Variants in SLC7A9 observed in about 807,000 individuals in gnomAD.
The protein encoded by SLC7A9 is B(0,+)-type amino acid transporter 1.
Under a neutral mutation model 54.1 loss-of-function variants are expected in SLC7A9, and 38 were observed. That is an observed-to-expected ratio of 0.70 (90% CI 0.54 to 0.92). The LOEUF is 0.92. Ranked by LOEUF, SLC7A9 falls within the 40% of genes least tolerant of loss-of-function variation. The probability of loss-of-function intolerance (pLI) is 0.00; values close to 1 mark genes in which losing one functional copy is unlikely to be tolerated. For synonymous variants in SLC7A9, 264 were observed against 258.9 expected (o/e 1.02, Z -0.19); for missense variants, 537 against 636.1 (o/e 0.84, Z 1.68).
chr19:32,847,604 A>G (rs1258334989), intron 9 of SLC7A9, among the ~76,000 whole-genome samples: 1 of 152,226 alleles, frequency 6.6e-6, no homozygotes, highest in East Asian at 1.9e-4. Flanking sequence ...CAAGTTGGAA[A>G]ACACTCTGCA....
At chr19:32,844,304 C>T (rs903651377) in intron 9 of SLC7A9, among the ~76,000 whole-genome samples, 1 of 152,048 alleles carries the variant, frequency 6.6e-6, no homozygotes. Flanking sequence ...TTTAAATGTA[C>T]CATTTATTTG....
intron 6 of SLC7A9, 61 bp from the exon 7 acceptor site, chr19:32,860,711 C>T (rs1968775865): frequency 6.2e-7 from 1 of 1,603,546 alleles, no homozygotes; most frequent in Admixed American, 1.7e-5. Context: ...TAATGAAACC[C>T]ACAATAATAA....
chr19:32,842,512 C>G (rs1968156367), intron 10 of SLC7A9, among the ~76,000 whole-genome samples, 195 bp from the exon 11 acceptor site: 1 of 152,088 alleles, frequency 6.6e-6, no homozygotes, highest in South Asian at 2.1e-4. Context: ...CAGAAAAGAC[C>G]TGGGAAATTT....
intron 11 of SLC7A9, 132 bp downstream of exon 11, chr19:32,842,036 C>T: frequency 1.1e-6 from 1 of 899,260 alleles, no homozygotes; most frequent in Non-Finnish European, 1.8e-6. Flanking sequence ...GTAAACTCCA[C>T]TCTAAAATAC....
intron 2 of SLC7A9, among the ~76,000 whole-genome samples, chr19:32,866,928 C>G (rs1192813535): frequency 1.3e-5 from 2 of 152,338 alleles, no homozygotes; most frequent in Middle Eastern, 3.4e-3. Flanking sequence ...GAGCCTGAAG[C>G]CCTCCCTGCG....
At chr19:32,855,491 A>G (rs574206252) in intron 9 of SLC7A9, among the ~76,000 whole-genome samples, 2 of 152,296 alleles carry the variant, frequency 1.3e-5, no homozygotes, top group Admixed American at 6.5e-5. Flanking sequence ...CGAGGTCAGG[A>G]GATCAAGACC....
rs529064561 is a variant in SLC7A9, at chr19:32,864,389, G to A, written c.236-51C>T. On this transcript the variant is annotated intron_variant, in intron 3 of 12. Coordinates refer to ENST00000023064, the MANE Select transcript of SLC7A9 (RefSeq NM_014270.5). ...CAGGCCCCTTGTGAGGCACTGCCCC[G>A]GCCCCAGGGAGCCTTCCTCCCACCG... 6.9e-4 allele frequency: 1,107 copies of A among 1,610,164 alleles called. 15 individuals are homozygous for A. The South Asian group carries it at 0.011, about 16-fold the overall frequency.
intron 7 of SLC7A9, 80 bp downstream of exon 7, chr19:32,860,526 G>A (rs1361520542): frequency 6.2e-7 from 1 of 1,611,032 alleles, no homozygotes; most frequent in Non-Finnish European, 8.5e-7. Context: ...GGAATACCCA[G>A]GGAAATAGCT....
At chr19:32,837,062 G>C (rs911988791) in intron 11 of SLC7A9, among the ~76,000 whole-genome samples, 1 of 152,012 alleles carries the variant, frequency 6.6e-6, no homozygotes, top group African/African-American at 2.4e-5. Flanking sequence ...GATAAGTCTG[G>C]TCTCCATTCT....
Position 32,862,445 on chromosome 19 carries a change from C to T in SLC7A9, c.604+16G>A. 6.2e-7 allele frequency: 1 copy of T among 1,612,506 alleles called. No homozygotes were observed. The highest frequency in any genetic ancestry group is 1.3e-5 in the African/African-American group (1 of 74,986). On this transcript the variant is annotated intron_variant, in intron 5 of 12. Coordinates refer to ENST00000023064, the MANE Select transcript of SLC7A9 (RefSeq NM_014270.5). ...TTGGTGTGTGCCCGTGCAGGGCCCA[C>T]CCTCCCGTGGGTCACCTTGGGCCAG... is the stretch of plus-strand genomic sequence containing the variant.
chr19:32,867,711 G>A (rs1008041062), intron 2 of SLC7A9, among the ~76,000 whole-genome samples: 2 of 151,790 alleles, frequency 1.3e-5, no homozygotes, highest in African/African-American at 2.4e-5. Context: ...TTGGGAGGCC[G>A]AGGTGGGCGG....
intron 9 of SLC7A9, 61 bp downstream of exon 9, chr19:32,858,378 CG>C: frequency 3.5e-6 from 4 of 1,155,694 alleles, no homozygotes; most frequent in South Asian, 1.2e-5. Flanking sequence ...GTGTCTTCCT[CG>C]GGGGTGATAT....
intron 2 of SLC7A9, among the ~76,000 whole-genome samples, chr19:32,865,216 A>C (rs977773108): frequency 6.6e-6 from 1 of 152,198 alleles, no homozygotes; most frequent in African/African-American, 2.4e-5. Flanking sequence ...CAGAGGCTCC[A>C]TGCAGGGTGA....
rs146189404 is a variant in SLC7A9 at position 32,864,252 on chromosome 19, G to A, written c.322C>T (p.Pro108Ser). ...CTGGCCCAGGAGAAGAGGTAGGCGG[G>A]GATGGGCCCGTAGGCCTCCATCAGG... is the stretch of plus-strand genomic sequence containing the variant. ...PYLMEAYGPI[P>S]AYLFSWASLI... is the part of the protein sequence containing the mutation. The change falls in exon 4 of 13, where the codon CCC becomes TCC. Residue 108 changes from proline to serine, a missense_variant. Pro to Ser is a moderately conservative substitution (Grantham distance 74). Coordinates refer to ENST00000023064, the MANE Select transcript of SLC7A9 (RefSeq NM_014270.5). 3.1e-6 allele frequency: 5 copies of A among 1,614,200 alleles called. No homozygotes were observed. Among genetic ancestry groups the A allele is most frequent in the Non-Finnish European group, 4.2e-6 (5 of 1,180,026 alleles).
At chr19:32,839,058 C>G (rs1568513833) in intron 11 of SLC7A9, among the ~76,000 whole-genome samples, 1 of 152,128 alleles carries the variant, frequency 6.6e-6, no homozygotes, top group Non-Finnish European at 1.5e-5. Flanking sequence ...GCTTGTCTGG[C>G]ATACTTTCCT....
chr19:32,862,374 A>G, intron 5 of SLC7A9, 87 bp downstream of exon 5: 1 of 1,580,018 alleles, frequency 6.3e-7, no homozygotes, highest in Non-Finnish European at 8.7e-7. Context: ...TTCCTTGGAG[A>G]TGGGCTCGTG....
chr19:32,845,323 C>T (rs1374748933), intron 9 of SLC7A9, among the ~76,000 whole-genome samples: 6 of 151,840 alleles, frequency 4.0e-5, no homozygotes, highest in African/African-American at 1.4e-4. Context: ...GGGGAAACCC[C>T]GTCTTTACTA....
intron 9 of SLC7A9, among the ~76,000 whole-genome samples, chr19:32,845,559 T>C (rs1000379218): frequency 2.6e-5 from 4 of 152,104 alleles, no homozygotes; most frequent in Non-Finnish European, 5.9e-5. Context: ...CAGACAAAAA[T>C]TGGCAAATCC....
intron 2 of SLC7A9, among the ~76,000 whole-genome samples, chr19:32,868,098 G>C (rs1488853822): frequency 6.6e-6 from 1 of 151,660 alleles, no homozygotes; most frequent in Non-Finnish European, 1.5e-5. Flanking sequence ...GGGTATGGTG[G>C]CGGGTGCTTG....
Sources: gnomAD v4.1 joint callset for allele counts (sites outside exome capture counted in the v4.1 genomes callset) on GRCh38, gnomAD v4.1.1 for gene constraint, MANE v1.5 for transcripts, NCBI Gene and HGNC (gene_info 2026-07-23, HGNC 2026-07-21) for gene names.